RANBP17: variants seen among roughly 807,000 people sequenced by gnomAD.
RANBP17 encodes the protein RAN binding protein 17.
In RANBP17, 158 loss-of-function variants were observed where a neutral mutation model predicts 141.2. The ratio of observed to expected loss-of-function variants is 1.12; its 90% CI spans 0.98 to 1.28. The LOEUF is 1.28. Among genes scored for constraint, RANBP17 ranks in the 50% most tolerant of loss-of-function variants. The pLI, the probability that RANBP17 is intolerant of heterozygous loss-of-function variation, is 0.00. For missense variants in RANBP17, 1,438 were observed against 1,290.7 expected (o/e 1.11, Z -1.75); for synonymous variants, 430 against 450.0 (o/e 0.96, Z 0.56).
At chr5:171,122,740 T>C (rs1333722164) in intron 14 of RANBP17, among the ~76,000 whole-genome samples, 2 of 152,226 alleles carry the variant, frequency 1.3e-5, no homozygotes, top group Admixed American at 1.3e-4. Context: ...CGCAGTGGCA[T>C]TGTTCTAGAG....
intron 14 of RANBP17, among the ~76,000 whole-genome samples, chr5:171,100,097 A>T (rs1451852769): frequency 6.6e-6 from 1 of 152,182 alleles, no homozygotes; most frequent in Non-Finnish European, 1.5e-5. Flanking sequence ...AGGTTTTGGT[A>T]TCAGGATGAT....
chr5:171,053,394 A>C (rs1183290612), intron 14 of RANBP17, among the ~76,000 whole-genome samples: 1 of 151,620 alleles, frequency 6.6e-6, no homozygotes, highest in African/African-American at 2.4e-5. Context: ...TCTTGTTTTC[A>C]TTTTTCTGCC....
At chr5:171,107,049 T>TG (rs1754893189) in intron 14 of RANBP17, among the ~76,000 whole-genome samples, 6 of 151,800 alleles carry the variant, frequency 4.0e-5, no homozygotes, top group South Asian at 4.2e-4. Context: ...TTGTTGTTGT[T>TG]TTGGAGTTCA....
chr5:171,018,243 T>G (rs1387803430), intron 14 of RANBP17, among the ~76,000 whole-genome samples: 2 of 152,202 alleles, frequency 1.3e-5, no homozygotes, highest in Non-Finnish European at 2.9e-5. Flanking sequence ...TATGGGCTCT[T>G]TTTTGGTTCT....
intron 14 of RANBP17, among the ~76,000 whole-genome samples, chr5:171,060,479 A>G (rs1783741153): frequency 6.6e-6 from 1 of 151,836 alleles, no homozygotes; most frequent in Non-Finnish European, 1.5e-5. Flanking sequence ...TGATTTGCAT[A>G]TATTGAACCA....
At chr5:170,913,130 G>A (rs765775825) in intron 7 of RANBP17, among the ~76,000 whole-genome samples, 1 of 151,942 alleles carries the variant, frequency 6.6e-6, no homozygotes, top group South Asian at 2.1e-4. Context: ...ATAGAATAAA[G>A]ACATTTTCAG....
chr5:171,179,115 G>C (rs988737061), intron 16 of RANBP17, among the ~76,000 whole-genome samples: 1 of 152,026 alleles, frequency 6.6e-6, no homozygotes, highest in Admixed American at 6.6e-5. Flanking sequence ...TGTCCTGAAT[G>C]GTATTGCCTA....
intron 20 of RANBP17, 89 bp from the exon 21 acceptor site, chr5:171,213,541 TC>T: frequency 1.2e-6 from 1 of 848,444 alleles, no homozygotes; most frequent in Non-Finnish European, 2.0e-6. Flanking sequence ...AAATGTGGAT[TC>T]CCTTTTGTGT....
intron 21 of RANBP17, among the ~76,000 whole-genome samples, chr5:171,219,878 T>A (rs995894746): frequency 1.3e-5 from 2 of 152,104 alleles, no homozygotes; most frequent in African/African-American, 4.8e-5. Flanking sequence ...ACCCACCTTC[T>A]GAAGCCTACT....
chr5:171,147,929 C>T (rs926833673), intron 14 of RANBP17, among the ~76,000 whole-genome samples: 5 of 152,160 alleles, frequency 3.3e-5, no homozygotes, highest in South Asian at 2.1e-4. Context: ...ATGACAATGG[C>T]GGTTTTGTGG....
chr5:170,900,818 G>T (rs1770573476), intron 5 of RANBP17, among the ~76,000 whole-genome samples: 1 of 152,164 alleles, frequency 6.6e-6, no homozygotes, highest in African/African-American at 2.4e-5. Flanking sequence ...ATGTAGTTGT[G>T]CAGTTTTGAG....
chr5:171,038,561 C>T lies in RANBP17; in HGVS notation c.1710+70184C>T, dbSNP rs898941686. Among the ~76,000 whole-genome samples the T allele has an allele frequency of 4.6e-5, 7 of 152,166 alleles. No individual in the cohort carries two copies. The East Asian group carries it at 9.7e-4, about 21-fold the overall frequency. ...GGAATGCTTCCAGCTTTTGCCCATT[C>T]TGTATCATGTCGGGTATGGGTTTGT... On this transcript the variant is annotated intron_variant, in intron 14 of 27. Transcript: ENST00000523189.
intron 24 of RANBP17, among the ~76,000 whole-genome samples, chr5:171,265,385 A>G (rs1289393533): frequency 2.0e-5 from 3 of 152,132 alleles, no homozygotes; most frequent in Admixed American, 6.5e-5. Context: ...AAATACAAAA[A>G]TTACCCAGGT....
chr5:171,255,961 C>T (rs1221112634), intron 24 of RANBP17, among the ~76,000 whole-genome samples: 4 of 152,060 alleles, frequency 2.6e-5, no homozygotes, highest in African/African-American at 9.7e-5. Context: ...GAAATTTTAC[C>T]TTTAAAAGAT....
chr5:171,051,836 T>G (rs908593968), intron 14 of RANBP17, among the ~76,000 whole-genome samples: 3 of 152,230 alleles, frequency 2.0e-5, no homozygotes, highest in Non-Finnish European at 4.4e-5. Flanking sequence ...CACACCATTT[T>G]ACATTCCCAC....
chr5:171,259,643 T>A (rs1766148971), intron 24 of RANBP17, among the ~76,000 whole-genome samples: 1 of 152,116 alleles, frequency 6.6e-6, no homozygotes, highest in South Asian at 2.1e-4. Context: ...CATTCATATG[T>A]GGGAGCTCAA....
chr5:171,037,163 C>G, intron 14 of RANBP17, among the ~76,000 whole-genome samples: 1 of 151,806 alleles, frequency 6.6e-6, no homozygotes, highest in East Asian at 1.9e-4. Context: ...GCAATGGTAT[C>G]TTACTGTAAT....
intron 13 of RANBP17, among the ~76,000 whole-genome samples, chr5:170,956,986 C>T (rs1314436254): frequency 6.6e-6 from 1 of 151,396 alleles, no homozygotes; most frequent in Non-Finnish European, 1.5e-5. Flanking sequence ...GGGAGAATGG[C>T]GTGAACCCCG....
chr5:170,892,196 A>T (rs1050218759), intron 3 of RANBP17, among the ~76,000 whole-genome samples, 191 bp from the exon 4 acceptor site: 52 of 148,122 alleles, frequency 3.5e-4, no homozygotes, highest in Non-Finnish European at 5.9e-5. Flanking sequence ...TTTGTTACAT[A>T]GGTATACATG....
Sources: allele counts gnomAD v4.1 joint callset (sites outside exome capture counted in the v4.1 genomes callset), GRCh38; gene constraint gnomAD v4.1.1; transcripts MANE v1.5; gene names NCBI Gene and HGNC (gene_info 2026-07-23, HGNC 2026-07-21).